PZP: variants seen among roughly 807,000 people sequenced by gnomAD.
PZP encodes PZP alpha-2-macroglobulin like, also known as pregnancy zone protein.
A neutral mutation model predicts 179.8 loss-of-function variants in PZP; 150 were observed. The ratio of observed to expected loss-of-function variants is 0.83; its 90% CI spans 0.73 to 0.96. PZP has a LOEUF of 0.96. PZP is among the 40% of genes least tolerant of loss of function. The pLI is 0.00. For synonymous variants in PZP, 624 were observed against 652.3 expected (o/e 0.96, Z 0.66); for missense variants, 1,689 against 1,764.0 (o/e 0.96, Z 0.76).
In PZP at chr12:9,192,731, A is replaced by C; in HGVS notation, c.1263T>G (p.Thr421=). The change falls in exon 12 of 36, where the codon ACT becomes ACG. Residue 421 remains threonine (T), a synonymous_variant. Transcript: ENST00000261336. ...SVNKLFVRVF[T]VHPNLCFHYS... ...AGTGAAAACACAAGTTGGGATGCAC[A>C]GTGAAAACCTGAGTAAACAGAAAAG... 6.2e-7 allele frequency: 1 copy of C among 1,603,662 alleles called. No individual in the cohort carries two copies. The highest frequency in any genetic ancestry group is 1.1e-5 in the South Asian group (1 of 90,778).
At chr12:9,204,629 C>A (rs1944357026) in intron 1 of PZP, among the ~76,000 whole-genome samples, 1 of 152,142 alleles carries the variant, frequency 6.6e-6, no homozygotes, top group Non-Finnish European at 1.5e-5. Context: ...ATGCACAACT[C>A]CCTGCTACAC....
At chr12:9,161,440 T>C (rs116543522) in intron 22 of PZP, among the ~76,000 whole-genome samples, 113 of 152,326 alleles carry the variant, frequency 7.4e-4, no homozygotes, top group African/African-American at 2.6e-3. Context: ...ATGATGAGAC[T>C]ACCTTTGATA....
chr12:9,193,981 T>C, intron 11 of PZP, 96 bp downstream of exon 11: 1 of 1,190,226 alleles, frequency 8.4e-7, no homozygotes. Context: ...TATCTTCTTA[T>C]TTCTTACTCT....
intron 1 of PZP, 48 bp downstream of exon 1, chr12:9,208,211 G>A: frequency 6.9e-7 from 1 of 1,441,788 alleles, no homozygotes; most frequent in Non-Finnish European, 9.8e-7. Flanking sequence ...AGACACAAGG[G>A]AGAGACTGAA....
intron 27 of PZP, 76 bp downstream of exon 27, chr12:9,157,691 A>G (rs1592451174): frequency 7.5e-7 from 1 of 1,333,876 alleles, no homozygotes; most frequent in South Asian, 1.2e-5. Flanking sequence ...TTGAGACTCA[A>G]CCCTTAGCAG....
At chr12:9,141,910 C>G in the PZP span, among the ~76,000 whole-genome samples, 1 of 152,180 alleles carries the variant, frequency 6.6e-6, no homozygotes, top group Non-Finnish European at 1.5e-5. Flanking sequence ...AGCTGCAAAG[C>G]AGGCAAGTTG....
the PZP span, among the ~76,000 whole-genome samples, chr12:9,141,414 G>T: frequency 1.3e-5 from 2 of 152,156 alleles, no homozygotes. Context: ...TGACCATAAG[G>T]TAAGATTTCT....
At chr12:9,138,869 GTTAA>G in the PZP span, among the ~76,000 whole-genome samples, 1 of 150,756 alleles carries the variant, frequency 6.6e-6, no homozygotes, top group Non-Finnish European at 1.5e-5. Context: ...ATAAGGGTGT[GTTAA>G]TTATTTTTTT....
At chr12:9,188,026 T>C (rs970612844) in intron 13 of PZP, among the ~76,000 whole-genome samples, 1 of 152,200 alleles carries the variant, frequency 6.6e-6, no homozygotes, top group Non-Finnish European at 1.5e-5. Flanking sequence ...ACATAAAAAA[T>C]AGTCTGGCCA....
At chr12:9,153,427 A>T (rs963950125) in intron 29 of PZP, 84 bp from the exon 30 acceptor site, 1 of 1,149,700 alleles carries the variant, frequency 8.7e-7, no homozygotes, top group Non-Finnish European at 1.3e-6. Context: ...TTAGCCTACC[A>T]TGAGGGAAGC....
At chr12:9,167,255 T>C (rs1941649302) in intron 17 of PZP, 1 of 152,228 alleles carries the variant, frequency 6.6e-6, no homozygotes, top group African/African-American at 2.4e-5. Context: ...CTCCAGTTAT[T>C]GCAGTTAACA....
chr12:9,196,874 G>A (rs1943804342), intron 8 of PZP, 138 bp downstream of exon 8: 1 of 789,714 alleles, frequency 1.3e-6, no homozygotes, highest in East Asian at 2.6e-5. Flanking sequence ...GAATCTTGTT[G>A]ACTAAGAACA....
Position 9,157,198 on chromosome 12 carries a change from A to C in PZP, c.3527T>G (p.Leu1176Arg), listed in dbSNP as rs751822558. 6.2e-7 allele frequency: 1 copy of C among 1,613,788 alleles called. No homozygotes were observed. The highest frequency in any genetic ancestry group is 8.5e-7 in the Non-Finnish European group (1 of 1,179,800). ...ACCTTCTTTCACAGCTTCCTTATCA[A>C]GTGAGTTCAGTATTTCTCTATTCTG... ...QNQNREILNS[L>R]DKEAVKEDNL... is the part of the protein sequence containing the mutation. The change falls in exon 28 of 36, where the codon CTT becomes CGT. Residue 1176 changes from leucine (L) to arginine (R), a missense_variant. Physicochemically the swap from Leu to Arg is moderately radical, Grantham distance 102. Around this residue, in one of 3 missense-constraint regions of PZP, gnomAD observed 746 missense variants for 749.2 expected, o/e 1.00. Transcript: ENST00000261336.
intron 1 of PZP, among the ~76,000 whole-genome samples, chr12:9,204,327 A>G (rs1195799620): frequency 1.3e-5 from 2 of 152,200 alleles, no homozygotes; most frequent in African/African-American, 4.8e-5. Context: ...ACACACATAT[A>G]TAAAAAATTG....
rs1487522048 is a variant in PZP at position 9,160,902 on chromosome 12, G to C, written c.2872+131C>G. The C allele has an allele frequency of 5.1e-6, 4 of 782,776 alleles. No individual in the cohort carries two copies. In the East Asian group the frequency reaches 1.1e-4, roughly 21 times the overall value. The allele number at this position is 782,776 out of a possible 1,614,324, so 48.5% of individuals were successfully genotyped here. A position where few individuals can be genotyped will look rare whatever the true frequency, so the allele number is the denominator to read the frequency against. ...TGTACTCCAGCCTGGGCGACAGAGC[G>C]AGACTCCATCTCAAAAAAATAAAAA... On this transcript the variant is annotated intron_variant, in intron 23 of 35. Transcript: ENST00000261336.
At position 9,202,549 on chromosome 12, in the gene PZP, G is replaced by T; in HGVS notation, c.403C>A (p.Pro135Thr). 6.2e-7 allele frequency: 1 copy of T among 1,614,106 alleles called. No homozygotes were observed. Among genetic ancestry groups the T allele is most frequent in the Non-Finnish European group, 8.5e-7 (1 of 1,180,012 alleles). ...CCTGTCTGTCCTGGTTTATACATGG[G>T]TTTGTCTGTCTGGACAAAGACCAGA... ...QSLVFVQTDK[P>T]MYKPGQTVRF... is the part of the protein sequence containing the mutation. Residue 135 changes from proline (P) to threonine (T), a missense_variant, in exon 3 of 36, where the codon CCC (proline) becomes ACC (threonine). By Grantham distance (38) the Pro-to-Thr change is conservative (BLOSUM62 -1). This residue lies in a region of PZP where 742 missense variants were observed against 730.5 expected (regional missense o/e 1.02). Coordinates refer to ENST00000261336, the MANE Select transcript of PZP (RefSeq NM_002864.3).
At chr12:9,197,489 T>G (rs1943855676) in intron 7 of PZP, among the ~76,000 whole-genome samples, 1 of 129,260 alleles carries the variant, frequency 7.7e-6, no homozygotes, top group Non-Finnish European at 1.5e-5. Flanking sequence ...ATATAATATA[T>G]TATATATAAA....
In PZP at chr12:9,208,315, T is replaced by C. The variant is rs1944543485; in HGVS notation, c.27A>G (p.Leu9=). MRKDRLLH[L]CLVLLLILLS... is the part of the protein sequence containing the mutation. ...GCAGGATAAGAAGTAGCACAAGACA[T>C]AAATGAAGAAGTCTGTCTTTCCGCA... is the stretch of plus-strand genomic sequence containing the variant. The change falls in exon 1 of 36, where the codon TTA becomes TTG. Residue 9 remains leucine (L), a synonymous_variant. Transcript: ENST00000261336. The C allele has an allele frequency of 1.2e-6, 2 of 1,613,508 alleles. No homozygotes were observed. The highest frequency in any genetic ancestry group is 1.3e-5 in the African/African-American group (1 of 74,890).
chr12:9,160,255 G>A (rs1336556515), intron 24 of PZP, 59 bp downstream of exon 24: 1 of 1,458,174 alleles, frequency 6.9e-7, no homozygotes, highest in Admixed American at 2.0e-5. Flanking sequence ...TATAACTGAA[G>A]CTTAATTGGG....
Sources: gnomAD v4.1 joint callset for allele counts (sites outside exome capture counted in the v4.1 genomes callset) on GRCh38, gnomAD v4.1.1 for gene constraint, gnomAD v4.1.1 regional missense constraint, MANE v1.5 for transcripts, NCBI Gene and HGNC (gene_info 2026-07-23, HGNC 2026-07-21) for gene names.